The following KIAA1549L variants were observed in gnomAD, a reference collection of about 807,000 sequenced individuals.
KIAA1549L encodes KIAA1549 like.
KIAA1549L carries 88 observed loss-of-function variants against 160.7 expected under a neutral mutation model. That is an observed-to-expected ratio of 0.55 (90% CI 0.46 to 0.65). The LOEUF is 0.65. KIAA1549L is among the 30% of genes least tolerant of loss of function. The probability of loss-of-function intolerance (pLI) is 0.00; values close to 1 mark genes in which losing one functional copy is unlikely to be tolerated. For synonymous variants in KIAA1549L, 950 were observed against 976.7 expected (o/e 0.97, Z 0.51); for missense variants, 2,258 against 2,437.5 (o/e 0.93, Z 1.55).
Position 33,561,848 on chromosome 11 carries a change from A to G in KIAA1549L, c.4078+113A>G. ...GCACTTTTCTTTGCTCCTGTCTTAT[A>G]AGTCAGGAAGTTACTTCTACAGGAC... On this transcript the variant is annotated intron_variant, in intron 8 of 20. Transcript: ENST00000658780. 4.0e-6 allele frequency: 3 copies of G among 744,798 alleles called. No homozygotes were observed. In the South Asian group the frequency reaches 4.9e-5, roughly 12 times the overall value. The allele number at this position is 744,798 out of a possible 1,614,324, so 46.1% of individuals were successfully genotyped here. A position where few individuals can be genotyped will look rare whatever the true frequency, so the allele number is the denominator to read the frequency against.
intron 1 of KIAA1549L, among the ~76,000 whole-genome samples, chr11:33,399,052 A>G (rs35661925): frequency 0.48 from 72,594 of 151,208 alleles, 19,457 homozygotes; most frequent in Non-Finnish European, 0.59. Flanking sequence ...TCCCGGGTTC[A>G]AGTAAGTCTC....
chr11:33,664,073 A>G (rs1350796493), intron 20 of KIAA1549L, among the ~76,000 whole-genome samples: 1 of 152,190 alleles, frequency 6.6e-6, no homozygotes, highest in Non-Finnish European at 1.5e-5. Context: ...GTTTTCCTCT[A>G]AGATACAAAT....
intron 1 of KIAA1549L, among the ~76,000 whole-genome samples, chr11:33,519,869 AC>A (rs1853437344): frequency 6.6e-6 from 1 of 150,918 alleles, no homozygotes; most frequent in Admixed American, 6.6e-5. Flanking sequence ...TGCCTCCCCG[AC>A]CCCAGCAGTA....
rs1460226282 is a variant in KIAA1549L, at chr11:33,384,200, C to G, written c.238+7311C>G. Among the ~76,000 whole-genome samples the G allele has an allele frequency of 1.3e-5, 2 of 152,196 alleles. 1 individual carries two copies. Among genetic ancestry groups the G allele is most frequent in the South Asian group, 4.1e-4 (2 of 4,834 alleles). ...TTCCATCCCTGTAGTTTTGCCTTTC[C>G]CAGAAGGTCGTAGAAATGGAATTGT... On this transcript the variant is annotated intron_variant, in intron 1 of 20. Transcript: ENST00000658780.
chr11:33,378,587 T>C (rs1850005218), intron 1 of KIAA1549L, among the ~76,000 whole-genome samples: 1 of 152,214 alleles, frequency 6.6e-6, no homozygotes, highest in Non-Finnish European at 1.5e-5. Flanking sequence ...AAAGTTGATG[T>C]TCCTCCCCAG....
At chr11:33,455,396 G>A (rs1302432302) in intron 1 of KIAA1549L, among the ~76,000 whole-genome samples, 1 of 151,388 alleles carries the variant, frequency 6.6e-6, no homozygotes, top group Admixed American at 6.5e-5. Context: ...TTCCATTATG[G>A]CAGAAAATAC....
At chr11:33,609,183 CT>C (rs1261689851) in intron 14 of KIAA1549L, among the ~76,000 whole-genome samples, 4 of 152,252 alleles carry the variant, frequency 2.6e-5, no homozygotes, top group African/African-American at 7.2e-5. Context: ...TTACATATCT[CT>C]CAAGAAAGGC....
Position 33,397,849 on chromosome 11 carries a change from G to GT in KIAA1549L, c.238+20968dup, listed in dbSNP as rs1409611920. ...AATTTTTGAAAGGAAAAATCATATA[G>GT]TTTTTTTTGTTTATTTGTTTTTTTT... On this transcript the variant is annotated intron_variant, in intron 1 of 20. Transcript: ENST00000658780. 1.4e-3 allele frequency among the ~76,000 whole-genome samples: 176 copies of GT among 125,856 alleles called. 1 individual carries two copies. The highest frequency in any genetic ancestry group is 2.4e-3 in the Non-Finnish European group (135 of 55,740). The allele number at this position is 125,856 out of a possible 152,430, so 82.6% of individuals were successfully genotyped here.
intron 10 of KIAA1549L, among the ~76,000 whole-genome samples, chr11:33,576,429 C>G (rs1855449485): frequency 6.6e-6 from 1 of 152,196 alleles, no homozygotes; most frequent in Non-Finnish European, 1.5e-5. Flanking sequence ...GCACCTCTCC[C>G]CTTCCCTCCC....
chr11:33,605,426 G>A (rs1031228972), intron 13 of KIAA1549L, among the ~76,000 whole-genome samples: 1 of 152,038 alleles, frequency 6.6e-6, no homozygotes, highest in Non-Finnish European at 1.5e-5. Flanking sequence ...GGATGCATCT[G>A]GTAACACATT....
intron 1 of KIAA1549L, among the ~76,000 whole-genome samples, chr11:33,479,916 A>G (rs1184212111): frequency 6.6e-6 from 1 of 152,190 alleles, no homozygotes; most frequent in East Asian, 1.9e-4. Context: ...TGGTATGTTT[A>G]ACACGCAGAA....
intron 10 of KIAA1549L, among the ~76,000 whole-genome samples, chr11:33,575,257 G>T (rs1855407083): frequency 6.6e-6 from 1 of 152,240 alleles, no homozygotes; most frequent in Admixed American, 6.5e-5. Flanking sequence ...ATGGAAGTGG[G>T]CGAGACCTGG....
chr11:33,476,152 AG>A (rs1852281913), intron 1 of KIAA1549L, among the ~76,000 whole-genome samples: 2 of 152,394 alleles, frequency 1.3e-5, no homozygotes, highest in African/African-American at 4.8e-5. Flanking sequence ...CAAACTGCCA[AG>A]GCAGCTTTGA....
chr11:33,566,147 C>CT (rs1238041436), intron 8 of KIAA1549L, among the ~76,000 whole-genome samples: 5 of 151,972 alleles, frequency 3.3e-5, no homozygotes, highest in East Asian at 3.9e-4. Flanking sequence ...ATTTCCAGAA[C>CT]TTTTTTGTCC....
intron 10 of KIAA1549L, among the ~76,000 whole-genome samples, chr11:33,579,507 A>G (rs1855564773): frequency 6.6e-6 from 1 of 151,540 alleles, no homozygotes; most frequent in South Asian, 2.1e-4. Context: ...TTTCTTCTTC[A>G]TTTCTCTCCT....
intron 12 of KIAA1549L, among the ~76,000 whole-genome samples, chr11:33,597,087 A>G (rs1036803255): frequency 2.0e-5 from 3 of 152,216 alleles, no homozygotes; most frequent in Non-Finnish European, 4.4e-5. Flanking sequence ...TGACCGAATA[A>G]ATTTGGAAAT....
chr11:33,623,208 C>T (rs1055243026), intron 16 of KIAA1549L, among the ~76,000 whole-genome samples: 2 of 152,174 alleles, frequency 1.3e-5, no homozygotes, highest in Admixed American at 1.3e-4. Context: ...CCTGGTGCTG[C>T]GTAATGGAGT....
At chr11:33,470,580 C>T (rs1463024902) in intron 1 of KIAA1549L, among the ~76,000 whole-genome samples, 1 of 152,032 alleles carries the variant, frequency 6.6e-6, no homozygotes, top group Non-Finnish European at 1.5e-5. Flanking sequence ...AGGCACATGC[C>T]ACCTCACGCA....
At chr11:33,629,815 G>A (rs1851227184) in intron 16 of KIAA1549L, among the ~76,000 whole-genome samples, 2 of 150,226 alleles carry the variant, frequency 1.3e-5, no homozygotes, top group Non-Finnish European at 2.9e-5. Context: ...GTCCAGCTTT[G>A]TTCCGTTGCT....
Sources: gnomAD v4.1 joint callset for allele counts (sites outside exome capture counted in the v4.1 genomes callset) on GRCh38, gnomAD v4.1.1 for gene constraint, MANE v1.5 for transcripts, NCBI Gene and HGNC (gene_info 2026-07-23, HGNC 2026-07-21) for gene names.